Variants in GABRA2 observed in about 807,000 individuals in gnomAD.
GABRA2 encodes gamma-aminobutyric acid receptor subunit alpha-2.
A neutral mutation model predicts 48.7 loss-of-function variants in GABRA2; 16 were observed. That is an observed-to-expected ratio of 0.33 (90% CI 0.22 to 0.50). The LOEUF (loss-of-function observed/expected upper bound fraction) is 0.50, where lower values mean the gene tolerates loss of function less well. GABRA2 is among the 20% of genes least tolerant of loss of function. The probability of loss-of-function intolerance (pLI) is 0.98; values close to 1 mark genes in which losing one functional copy is unlikely to be tolerated. For synonymous variants in GABRA2, 185 were observed against 184.5 expected (o/e 1.00, Z -0.02); for missense variants, 275 against 535.6 (o/e 0.51, Z 4.80).
chr4:46,370,553 A>G (rs1714730203), intron 3 of GABRA2, among the ~76,000 whole-genome samples: 1 of 152,134 alleles, frequency 6.6e-6, no homozygotes, highest in African/African-American at 2.4e-5. Context: ...AAGATTTAGA[A>G]ACATAAACAG....
chr4:46,367,829 G>A (rs1009301926), intron 3 of GABRA2: 6 of 152,130 alleles, frequency 3.9e-5, no homozygotes, highest in African/African-American at 9.7e-5. Context: ...TACTTGCCAA[G>A]TGTGGTAGTT....
intron 8 of GABRA2, among the ~76,000 whole-genome samples, chr4:46,263,912 TTC>T (rs3068324): frequency 0.081 from 11,774 of 144,852 alleles, 485 homozygotes; most frequent in African/African-American, 0.11. Flanking sequence ...ATTAGATCAA[TTC>T]TCTCTCTCTC....
intron 3 of GABRA2, among the ~76,000 whole-genome samples, chr4:46,382,700 T>C (rs2109361036): frequency 6.6e-6 from 1 of 152,276 alleles, no homozygotes; most frequent in East Asian, 1.9e-4. Flanking sequence ...TGGACTCTCC[T>C]TCTCTCAGAA....
intron 3 of GABRA2, among the ~76,000 whole-genome samples, chr4:46,334,760 A>T (rs570411310): frequency 6.6e-6 from 1 of 152,296 alleles, no homozygotes; most frequent in East Asian, 1.9e-4. Flanking sequence ...ACATAGACAT[A>T]AAAAGTTATT....
At chr4:46,292,807 A>G (rs1271562633) in intron 8 of GABRA2, among the ~76,000 whole-genome samples, 1 of 151,884 alleles carries the variant, frequency 6.6e-6, no homozygotes, top group Non-Finnish European at 1.5e-5. Flanking sequence ...GAGGGCCTAG[A>G]AGACATACCC....
rs1316941144 is a variant in GABRA2 at position 46,246,588 on chromosome 4, G to A, written c.*3720C>T. Among the ~76,000 whole-genome samples, 1 of 151,156 alleles carries A rather than the reference G, an allele frequency of 6.6e-6. No homozygotes were observed. The highest frequency in any genetic ancestry group is 6.6e-5 in the Admixed American group (1 of 15,086). On this transcript the variant is annotated 3_prime_UTR_variant, in exon 10 of 10. Coordinates refer to ENST00000381620, the MANE Select transcript of GABRA2 (RefSeq NM_000807.4). ...GAATGGCACTATAGGGTAGCAATGA[G>A]TCAGGTAGTAATCCCCTTAAAATTC...
chr4:46,279,345 TTATC>T (rs959567573), intron 8 of GABRA2, among the ~76,000 whole-genome samples: 2 of 152,150 alleles, frequency 1.3e-5, no homozygotes, highest in Admixed American at 6.6e-5. Context: ...TTATATTTAT[TTATC>T]TATATATCTG....
intron 3 of GABRA2, among the ~76,000 whole-genome samples, chr4:46,347,197 C>G (rs1316067688): frequency 1.3e-5 from 2 of 151,918 alleles, no homozygotes; most frequent in Non-Finnish European, 2.9e-5. Flanking sequence ...AATGCAATTC[C>G]TATCAAATTT....
chr4:46,388,534 A>T (rs1717787752), intron 2 of GABRA2, 102 bp downstream of exon 2: 1 of 1,411,756 alleles, frequency 7.1e-7, no homozygotes, highest in African/African-American at 1.4e-5. Flanking sequence ...TTTTCTGAGA[A>T]ATAATTCTTT....
chr4:46,331,772 T>C (rs920220747), intron 4 of GABRA2, among the ~76,000 whole-genome samples: 2 of 152,098 alleles, frequency 1.3e-5, no homozygotes, highest in African/African-American at 4.8e-5. Context: ...CTCACTCTCA[T>C]GCAGACTGGA....
chr4:46,383,657 T>TA (rs1158082195), intron 3 of GABRA2, among the ~76,000 whole-genome samples: 3 of 152,128 alleles, frequency 2.0e-5, no homozygotes, highest in Non-Finnish European at 4.4e-5. Flanking sequence ...AGTGACTGGT[T>TA]AAAAAAATTT....
intron 4 of GABRA2, among the ~76,000 whole-genome samples, chr4:46,322,830 A>G (rs1193560190): frequency 6.6e-6 from 1 of 152,044 alleles, no homozygotes; most frequent in Non-Finnish European, 1.5e-5. Context: ...CAGATGGCAG[A>G]AAAGCTCTCA....
At chr4:46,328,797 T>G (rs1475775832) in intron 4 of GABRA2, among the ~76,000 whole-genome samples, 2 of 152,084 alleles carry the variant, frequency 1.3e-5, no homozygotes. Context: ...GTCTCATTGC[T>G]CAACCTATTG....
At chr4:46,349,155 A>G (rs1327102505) in intron 3 of GABRA2, among the ~76,000 whole-genome samples, 1 of 151,994 alleles carries the variant, frequency 6.6e-6, no homozygotes, top group Non-Finnish European at 1.5e-5. Context: ...CCAGAGTGTA[A>G]TGTAAACATA....
intron 3 of GABRA2, among the ~76,000 whole-genome samples, chr4:46,377,730 G>C (rs1400718091): frequency 2.7e-5 from 2 of 73,224 alleles, no homozygotes; most frequent in African/African-American, 1.2e-4. Context: ...GGAGGGAGGT[G>C]GGGGGGGTCA....
intron 3 of GABRA2, among the ~76,000 whole-genome samples, chr4:46,374,745 G>C (rs2110013628): frequency 6.6e-6 from 1 of 151,826 alleles, no homozygotes; most frequent in East Asian, 1.9e-4. Flanking sequence ...ATATATATCA[G>C]AAGGGACATC....
At chr4:46,377,622 C>G (rs1716004151) in intron 3 of GABRA2, among the ~76,000 whole-genome samples, 1 of 150,600 alleles carries the variant, frequency 6.6e-6, no homozygotes, top group African/African-American at 2.4e-5. Flanking sequence ...AGCCCCCCGC[C>G]CGGCTAGCCG....
In GABRA2 at chr4:46,326,032, A is replaced by G. The variant is rs573028114; in HGVS notation, c.255+6583T>C. Among the ~76,000 whole-genome samples the G allele has an allele frequency of 5.7e-4, 86 of 152,050 alleles. 1 individual carries two copies. The highest frequency in any genetic ancestry group is 2.0e-3 in the African/African-American group (82 of 41,548). ...TGCCTCCAGCTTTGTTCTTTTGCTT[A>G]GATTTGCTTTGGCTATTCAGGCTCT... On this transcript the variant is annotated intron_variant, in intron 4 of 9. Transcript: ENST00000381620.
chr4:46,336,745 A>G (rs1233468906), intron 3 of GABRA2, among the ~76,000 whole-genome samples: 1 of 152,166 alleles, frequency 6.6e-6, no homozygotes, highest in African/African-American at 2.4e-5. Flanking sequence ...TGAGGAACAC[A>G]TAATGTATTC....
Sources: gnomAD v4.1 joint callset for allele counts (sites outside exome capture counted in the v4.1 genomes callset) on GRCh38, gnomAD v4.1.1 for gene constraint, MANE v1.5 for transcripts, NCBI Gene and HGNC (gene_info 2026-07-23, HGNC 2026-07-21) for gene names.